Variants in KDM5A observed in about 807,000 individuals in gnomAD.
KDM5A encodes lysine demethylase 5A.
In KDM5A, 42 loss-of-function variants were observed where a neutral mutation model predicts 193.5. That is an observed-to-expected ratio of 0.22 (90% confidence interval 0.17 to 0.28). The LOEUF (loss-of-function observed/expected upper bound fraction) is 0.28, where lower values mean the gene tolerates loss of function less well. Ranked by LOEUF, KDM5A falls within the 10% of genes least tolerant of loss-of-function variation. The pLI is 1.00. For synonymous variants in KDM5A, 796 were observed against 718.1 expected (o/e 1.11, Z -1.73); for missense variants, 1,692 against 2,055.1 (o/e 0.82, Z 3.42).
chr12:349,994 G>A (rs1159788662), intron 10 of KDM5A, among the ~76,000 whole-genome samples: 2 of 151,844 alleles, frequency 1.3e-5, no homozygotes, highest in Non-Finnish European at 2.9e-5. Context: ...TGGGCGTGGT[G>A]GTGCATGCCT....
In KDM5A at chr12:384,132, C is replaced by T. The variant is rs1944611190; in HGVS notation, c.265G>A (p.Asp89Asn). Residue 89 changes from aspartate to asparagine, a missense_variant, in exon 3 of 28, where the codon GAT becomes AAT. By Grantham distance (23) the Asp-to-Asn change is conservative. This residue lies in a region of KDM5A where 120 missense variants were observed against 172.0 expected (regional missense o/e 0.70). Transcript: ENST00000399788. ...ELEAMTRVRL[D>N]FLDQLAKFWE... ...AATTTTGCTAGTTGATCCAAGAAAT[C>T]CAATCTCACTCTGGTCATTGCCTAA... is the stretch of plus-strand genomic sequence containing the variant. 6.3e-7 allele frequency: 1 copy of T among 1,595,672 alleles called. No homozygotes were observed.
intron 5 of KDM5A, among the ~76,000 whole-genome samples, chr12:362,486 G>T (rs1018784071): frequency 2.0e-5 from 3 of 152,100 alleles, no homozygotes; most frequent in African/African-American, 7.2e-5. Context: ...GGAATGGCAG[G>T]TGAAAAATAA....
At chr12:370,163 C>T (rs1944407621) in intron 3 of KDM5A, among the ~76,000 whole-genome samples, 1 of 152,196 alleles carries the variant, frequency 6.6e-6, no homozygotes, top group Non-Finnish European at 1.5e-5. Flanking sequence ...GAGGCCGAGG[C>T]AGGTGGATCA....
chr12:342,498 C>G (rs904989156), intron 10 of KDM5A, among the ~76,000 whole-genome samples: 8 of 151,888 alleles, frequency 5.3e-5, no homozygotes, highest in African/African-American at 1.9e-4. Context: ...CTTGCTCTGT[C>G]GCCCAGGCTG....
intron 3 of KDM5A, among the ~76,000 whole-genome samples, chr12:383,142 A>T (rs1226494016): frequency 6.6e-6 from 1 of 152,032 alleles, no homozygotes; most frequent in Non-Finnish European, 1.5e-5. Flanking sequence ...CACTACATAC[A>T]CGTATTAACA....
At chr12:330,128 A>G (rs1404992582) in intron 13 of KDM5A, among the ~76,000 whole-genome samples, 1 of 149,936 alleles carries the variant, frequency 6.7e-6, no homozygotes, top group Admixed American at 6.7e-5. Flanking sequence ...TTGTCTATTA[A>G]CAACACACAA....
intron 12 of KDM5A, 131 bp from the exon 13 acceptor site, chr12:332,069 A>G: frequency 1.2e-6 from 1 of 816,268 alleles, no homozygotes; most frequent in Non-Finnish European, 2.0e-6. Flanking sequence ...AGTTACACAT[A>G]TCAGAAAATG....
chr12:361,079 G>A (rs116969741), intron 5 of KDM5A, among the ~76,000 whole-genome samples: 7 of 152,254 alleles, frequency 4.6e-5, no homozygotes, highest in Non-Finnish European at 1.0e-4. Flanking sequence ...GAATAATTAA[G>A]TACAAATTAG....
At chr12:295,334 GAGAA>G (rs1394231731) in intron 26 of KDM5A, among the ~76,000 whole-genome samples, 8 of 151,562 alleles carry the variant, frequency 5.3e-5, no homozygotes, top group African/African-American at 1.9e-4. Flanking sequence ...AAAAGAAAAA[GAGAA>G]AGAGAGAGAA....
At chr12:379,563 A>C (rs1018535992) in intron 3 of KDM5A, among the ~76,000 whole-genome samples, 1 of 152,250 alleles carries the variant, frequency 6.6e-6, no homozygotes, top group Non-Finnish European at 1.5e-5. Flanking sequence ...TTAACGTGAG[A>C]AGCAGCAATC....
At chr12:369,145 C>T (rs775105427) in intron 3 of KDM5A, among the ~76,000 whole-genome samples, 1 of 152,214 alleles carries the variant, frequency 6.6e-6, no homozygotes, top group Non-Finnish European at 1.5e-5. Context: ...CTCCTCCTAT[C>T]ACACCCTCAA....
intron 10 of KDM5A, among the ~76,000 whole-genome samples, chr12:335,761 G>A (rs1193919388): frequency 6.6e-6 from 1 of 152,096 alleles, no homozygotes; most frequent in African/African-American, 2.4e-5. Flanking sequence ...AGAGAGGCGG[G>A]CTGGGCACGG....
chr12:303,457 A>C (rs1001238516), intron 24 of KDM5A, among the ~76,000 whole-genome samples: 2 of 152,226 alleles, frequency 1.3e-5, no homozygotes, highest in Non-Finnish European at 2.9e-5. Context: ...GTGGGAGTTG[A>C]ACAACGAGAA....
chr12:354,286 T>G, intron 7 of KDM5A, 52 bp from the exon 8 acceptor site: 1 of 1,320,092 alleles, frequency 7.6e-7, no homozygotes, highest in Non-Finnish European at 1.1e-6. Flanking sequence ...AATAATAAAT[T>G]TTTACCAGGA....
At chr12:326,443 G>A (rs1943784562) in intron 14 of KDM5A, among the ~76,000 whole-genome samples, 1 of 152,148 alleles carries the variant, frequency 6.6e-6, no homozygotes, top group African/African-American at 2.4e-5. Context: ...GAAAGAACTA[G>A]AAATGATGGC....
chr12:281,641 G>A lies in KDM5A; in HGVS notation c.*3815C>T. ...TCACATGTGAAGCTTTATTAAATCT[G>A]GTTATATGTGGGACTTCAACAGCTC... On this transcript the variant is annotated 3_prime_UTR_variant, in exon 28 of 28. Transcript: ENST00000399788. 1 of 234,134 alleles carries A rather than the reference G, an allele frequency of 4.3e-6. No homozygotes were observed. Among genetic ancestry groups the A allele is most frequent in the Non-Finnish European group, 8.4e-6 (1 of 118,640 alleles). 14.5% of individuals were successfully genotyped at this position (234,134 alleles called of 1,614,324 possible).
intron 24 of KDM5A, among the ~76,000 whole-genome samples, chr12:304,324 G>A (rs140094692): frequency 1.3e-5 from 2 of 152,080 alleles, no homozygotes; most frequent in East Asian, 3.9e-4. Context: ...TGAATTTATG[G>A]TCACAACAGA....
intron 15 of KDM5A, 29 bp from the exon 16 acceptor site, chr12:323,235 A>AAT: frequency 6.7e-7 from 1 of 1,501,284 alleles, no homozygotes; most frequent in South Asian, 1.3e-5. Context: ...AAAAAAAAAA[A>AAT]AAAAGAAAAC....
At chr12:357,533 A>G (rs1944241622) in intron 5 of KDM5A, among the ~76,000 whole-genome samples, 3 of 151,802 alleles carry the variant, frequency 2.0e-5, no homozygotes, top group South Asian at 2.1e-4. Context: ...ATCTTAAAGA[A>G]TAAGTCCTTC....
Sources: allele counts gnomAD v4.1 joint callset (sites outside exome capture counted in the v4.1 genomes callset), GRCh38; gene constraint gnomAD v4.1.1; regional missense constraint gnomAD v4.1.1; transcripts MANE v1.5; gene names NCBI Gene and HGNC (gene_info 2026-07-23, HGNC 2026-07-21).